Variants in MBNL3 observed in about 807,000 individuals in gnomAD.
MBNL3 encodes muscleblind like splicing regulator 3.
Under a neutral mutation model 24.5 loss-of-function variants are expected in MBNL3, and 6 were observed. That is an observed-to-expected ratio of 0.25 (90% CI 0.13 to 0.48). The LOEUF is 0.48. Among genes scored for constraint, MBNL3 ranks in the 20% least tolerant of loss-of-function variants. MBNL3 has a pLI of 0.99. For synonymous variants in MBNL3, 100 were observed against 101.7 expected (o/e 0.98, Z 0.10); for missense variants, 230 against 293.5 (o/e 0.78, Z 1.58).
intron 1 of MBNL3, among the ~76,000 whole-genome samples, chrX:132,450,871 G>A (rs965930216): frequency 1.8e-4 from 20 of 112,297 alleles, no homozygotes; most frequent in Non-Finnish European, 5.6e-5. Flanking sequence ...CCTTTTTGTT[G>A]ATGTTGATGC....
At chrX:132,423,679 G>GA in intron 2 of MBNL3, among the ~76,000 whole-genome samples, 1 of 111,394 alleles carries the variant, frequency 9.0e-6, no homozygotes, top group Non-Finnish European at 1.9e-5. Context: ...TTTTCCTAAT[G>GA]AAAAAAAGTA....
chrX:132,408,201 T>C (rs1291588841), intron 2 of MBNL3, among the ~76,000 whole-genome samples: 1 of 96,880 alleles, frequency 1.0e-5, no homozygotes, highest in Non-Finnish European at 2.0e-5. Context: ...AAATAACTTA[T>C]TACTGACCTT....
chrX:132,424,624 G>A (rs1362610749), intron 2 of MBNL3, among the ~76,000 whole-genome samples: 1 of 111,555 alleles, frequency 9.0e-6, no homozygotes, highest in African/African-American at 3.3e-5. Context: ...CTCTTTTCAT[G>A]AGTATGTTAC....
At position 132,379,554 on chromosome X, in the gene MBNL3, G is replaced by T; in HGVS notation, c.*112C>A. On this transcript the variant is annotated 3_prime_UTR_variant, in exon 9 of 9. Transcript: ENST00000370853. ...GCAGGTTTGCTTTGCTTAATACATT[G>T]ACTGCAACACGCTTATTGTTGTGTT... 4 of 788,165 alleles carry T rather than the reference G, an allele frequency of 5.1e-6. No homozygotes were observed. The highest frequency in any genetic ancestry group is 6.6e-5 in the South Asian group (2 of 30,083). 65.0% of individuals were successfully genotyped at this position (788,165 alleles called of 1,213,427 possible).
chrX:132,439,103 A>G (rs181923756), intron 2 of MBNL3, among the ~76,000 whole-genome samples: 1 of 110,754 alleles, frequency 9.0e-6, no homozygotes, highest in East Asian at 2.8e-4. Flanking sequence ...TATACAAAAA[A>G]GTAAACGATA....
intron 2 of MBNL3, among the ~76,000 whole-genome samples, chrX:132,408,090 G>GTCTTTTTTTTT: frequency 3.6e-5 from 1 of 28,044 alleles, no homozygotes; most frequent in Non-Finnish European, 6.9e-5. Context: ...CTGAATTTCA[G>GTCTTTTTTTTT]TCTTTTTTTT....
Position 132,378,162 on chromosome X carries a change from G to C in MBNL3, c.*1504C>G, listed in dbSNP as rs192801760. On this transcript the variant is annotated 3_prime_UTR_variant, in exon 9 of 9. Coordinates refer to ENST00000370853, the MANE Select transcript of MBNL3 (RefSeq NM_001386889.1). The stretch of plus-strand genomic sequence containing the variant: ...AAAGAGGCTTGGTTATGATGTGAGA[G>C]GGTCTGATGTTAAAGTTTGGGCAGG... The C allele has an allele frequency of 9.0e-6, 1 of 111,195 alleles. No homozygotes were observed. The highest frequency in any genetic ancestry group is 1.9e-5 in the Non-Finnish European group (1 of 52,942). 9.2% of individuals were successfully genotyped at this position (111,195 alleles called of 1,213,427 possible).
chrX:132,420,550 A>G (rs943843270), intron 2 of MBNL3, among the ~76,000 whole-genome samples: 2 of 111,836 alleles, frequency 1.8e-5, no homozygotes, highest in African/African-American at 3.3e-5. Context: ...CTGTGCTCTC[A>G]GGCGATAGAT....
chrX:132,398,298 A>C (rs1294694692), intron 3 of MBNL3, among the ~76,000 whole-genome samples: 1 of 111,486 alleles, frequency 9.0e-6, no homozygotes, highest in East Asian at 2.8e-4. Flanking sequence ...CTAAACACAG[A>C]TCAGCACATC....
At chrX:132,413,378 C>T in intron 2 of MBNL3, 2 of 682,072 alleles carry the variant, frequency 2.9e-6, no homozygotes, top group Non-Finnish European at 4.4e-6. Context: ...ATAAGTATGC[C>T]CCATACAATA....
intron 1 of MBNL3, among the ~76,000 whole-genome samples, chrX:132,460,700 A>T (rs1320917775): frequency 1.8e-5 from 2 of 111,715 alleles, no homozygotes; most frequent in Admixed American, 9.5e-5. Context: ...TCAATTTTTT[A>T]AATTATTATT....
intron 2 of MBNL3, among the ~76,000 whole-genome samples, chrX:132,410,740 A>T (rs1942603707): frequency 8.9e-6 from 1 of 112,453 alleles, no homozygotes; most frequent in African/African-American, 3.2e-5. Context: ...GGCTTCTCAG[A>T]GGAAGTAACA....
At chrX:132,392,070 G>A (rs759702882) in intron 4 of MBNL3, 73 bp downstream of exon 4, 19 of 931,129 alleles carry the variant, frequency 2.0e-5, no homozygotes, top group Non-Finnish European at 2.8e-5. Context: ...AACACACTGG[G>A]CTCTGAGAAT....
At chrX:132,437,673 C>G (rs1303659375) in intron 2 of MBNL3, among the ~76,000 whole-genome samples, 1 of 111,413 alleles carries the variant, frequency 9.0e-6, no homozygotes, top group Non-Finnish European at 1.9e-5. Flanking sequence ...TCCTGACCCT[C>G]TATATGGACC....
intron 2 of MBNL3, among the ~76,000 whole-genome samples, chrX:132,415,149 T>C (rs951613604): frequency 9.8e-5 from 11 of 111,845 alleles, no homozygotes; most frequent in Non-Finnish European, 1.7e-4. Flanking sequence ...CTAATTATTT[T>C]AGGCTTTCCA....
intron 1 of MBNL3, among the ~76,000 whole-genome samples, chrX:132,465,069 A>G (rs1216310372): frequency 9.0e-6 from 1 of 111,120 alleles, no homozygotes; most frequent in Non-Finnish European, 1.9e-5. Context: ...AATAATAAAA[A>G]CTTTTTAAAA....
upstream of MBNL3, among the ~76,000 whole-genome samples, chrX:132,489,442 G>A: frequency 9.0e-6 from 1 of 111,538 alleles, no homozygotes; most frequent in East Asian, 2.9e-4. Context: ...CCGGGCGTGG[G>A]GCTCCCGCCC....
intron 3 of MBNL3, among the ~76,000 whole-genome samples, chrX:132,398,975 T>C (rs780028161): frequency 1.8e-5 from 2 of 111,860 alleles, no homozygotes; most frequent in East Asian, 5.6e-4. Context: ...CTTACTTTTG[T>C]TACATAACGA....
rs191621663 is a variant in MBNL3 at position 132,463,691 on chromosome X, A to C, written c.-703-23377T>G. Among the ~76,000 whole-genome samples the C allele has an allele frequency of 9.0e-3, 1,001 of 111,785 alleles. 6 individuals are homozygous for C. The highest frequency in any genetic ancestry group is 0.015 in the Non-Finnish European group (810 of 53,179). On this transcript the variant is annotated intron_variant, in intron 1 of 8. Coordinates refer to ENST00000370853, the MANE Select transcript of MBNL3 (RefSeq NM_001386889.1). Reference sequence around the variant, plus strand: ...GAGTTTCGCACACAATTTTAAAAAAAAGTATCCCATAAAATGTTAAGAAAT... The same window carrying C: ...GAGTTTCGCACACAATTTTAAAAAACAGTATCCCATAAAATGTTAAGAAAT...
Sources: gnomAD v4.1 joint callset for allele counts (sites outside exome capture counted in the v4.1 genomes callset) on GRCh38, gnomAD v4.1.1 for gene constraint, MANE v1.5 for transcripts, NCBI Gene and HGNC (gene_info 2026-07-23, HGNC 2026-07-21) for gene names.